Variants in SOX6 observed in about 807,000 individuals in gnomAD.
SOX6 encodes the protein transcription factor SOX-6.
In SOX6, 11 loss-of-function variants were observed where a neutral mutation model predicts 97.8. The ratio of observed to expected loss-of-function variants is 0.11; its 90% confidence interval spans 0.07 to 0.19. SOX6 has a LOEUF of 0.19. SOX6 is among the 10% of genes least tolerant of loss of function. SOX6 has a pLI of 1.00. For missense variants in SOX6, 810 were observed against 1,039.5 expected (o/e 0.78, Z 3.04); for synonymous variants, 360 against 371.4 (o/e 0.97, Z 0.35).
At chr11:16,389,409 T>A (rs1391486855) in intron 1 of SOX6, among the ~76,000 whole-genome samples, 1 of 152,198 alleles carries the variant, frequency 6.6e-6, no homozygotes, top group African/African-American at 2.4e-5. Flanking sequence ...ATTGTATAAT[T>A]CTATTGATCT....
Position 16,508,741 on chromosome 11 carries a change from A to G in SOX6, n.610-32353T>C, listed in dbSNP as rs75489822. Reference sequence around the variant, plus strand: ...GGTTAATGAGTACAAACCTATAGTTAGATAGAAGGGAAAAGTTCTATGTTC... The same window carrying G: ...GGTTAATGAGTACAAACCTATAGTTGGATAGAAGGGAAAAGTTCTATGTTC... On this transcript the variant is annotated intron_variant and non_coding_transcript_variant, in intron 4 of 5. Transcript: ENST00000524520. 8.7e-3 allele frequency among the ~76,000 whole-genome samples: 1,331 copies of G among 152,246 alleles called. 17 individuals are homozygous for G. The highest frequency in any genetic ancestry group is 0.031 in the African/African-American group (1,275 of 41,538).
At chr11:16,334,723 T>C (rs942238805) in intron 2 of SOX6, among the ~76,000 whole-genome samples, 11 of 152,126 alleles carry the variant, frequency 7.2e-5, no homozygotes, top group Non-Finnish European at 2.9e-5. Context: ...CCACCACGCC[T>C]AGCCTAATGT....
chr11:16,423,592 G>A (rs1490852445), intron 1 of SOX6, among the ~76,000 whole-genome samples: 2 of 152,112 alleles, frequency 1.3e-5, no homozygotes, highest in Non-Finnish European at 1.5e-5. Flanking sequence ...CTCAAGTCTG[G>A]TGACTAACTG....
intron 3 of SOX6, among the ~76,000 whole-genome samples, chr11:16,258,376 C>A (rs1253792945): frequency 1.3e-5 from 2 of 151,600 alleles, no homozygotes; most frequent in East Asian, 3.9e-4. Flanking sequence ...TTATTCTGCA[C>A]TGAAAATAAA....
At chr11:16,656,713 G>C (rs1201193754) in intron 3 of SOX6, among the ~76,000 whole-genome samples, 1 of 151,980 alleles carries the variant, frequency 6.6e-6, no homozygotes, top group Non-Finnish European at 1.5e-5. Flanking sequence ...CTATATATCT[G>C]TTTTCTGGCA....
chr11:16,484,497 T>C, intron 4 of SOX6: 1 of 808,372 alleles, frequency 1.2e-6, no homozygotes, highest in Non-Finnish European at 2.2e-6. Flanking sequence ...TTCTCCTGAA[T>C]GGCCACCTCC....
At chr11:16,304,597 G>A (rs1855365059) in intron 3 of SOX6, among the ~76,000 whole-genome samples, 1 of 152,144 alleles carries the variant, frequency 6.6e-6, no homozygotes, top group Non-Finnish European at 1.5e-5. Context: ...TCAGTTTATA[G>A]TATTTTGTTA....
At chr11:16,165,911 A>C (rs1850876703) in intron 6 of SOX6, among the ~76,000 whole-genome samples, 1 of 150,612 alleles carries the variant, frequency 6.6e-6, no homozygotes, top group Non-Finnish European at 1.5e-5. Context: ...AAAAAAAAAA[A>C]ATCCTAAAAG....
chr11:16,126,513 C>A (rs1849618101), intron 6 of SOX6, among the ~76,000 whole-genome samples: 1 of 152,058 alleles, frequency 6.6e-6, no homozygotes, highest in Admixed American at 6.6e-5. Flanking sequence ...CAGGAAATGC[C>A]TGTTTTAACT....
rs1284785090 is a variant in SOX6, at chr11:16,454,874, T to C, written c.-5+21441A>G. Among the ~76,000 whole-genome samples, 4 of 152,250 alleles carry C rather than the reference T, an allele frequency of 2.6e-5. No individual in the cohort carries two copies. In the South Asian group the frequency reaches 6.2e-4, roughly 24 times the overall value. On this transcript the variant is annotated intron_variant, in intron 1 of 15. Coordinates refer to the SOX6 transcript ENST00000396356. ...AAACATACTTCTAATTCCTTTCTAC[T>C]TATTTATAGACCTTATGCATGATTT...
intron 4 of SOX6, among the ~76,000 whole-genome samples, chr11:16,586,521 C>A (rs376423131): frequency 2.0e-5 from 3 of 152,060 alleles, no homozygotes; most frequent in African/African-American, 4.8e-5. Flanking sequence ...ATAGCCTGGG[C>A]AAGACAGTGA....
At chr11:16,008,082 T>C (rs1386163570) in intron 13 of SOX6, among the ~76,000 whole-genome samples, 1 of 152,094 alleles carries the variant, frequency 6.6e-6, no homozygotes, top group Non-Finnish European at 1.5e-5. Flanking sequence ...ACATAACCTA[T>C]GCATATCCTC....
intron 7 of SOX6, among the ~76,000 whole-genome samples, chr11:16,107,074 A>T (rs9667689): frequency 0.038 from 5,799 of 152,072 alleles, 353 homozygotes; most frequent in African/African-American, 0.13. Context: ...TAATAAAAAA[A>T]TTTAGTTGAA....
intron 4 of SOX6, among the ~76,000 whole-genome samples, chr11:16,560,564 T>C (rs189407407): frequency 2.3e-3 from 244 of 104,286 alleles, no homozygotes; most frequent in Admixed American, 9.3e-3. Flanking sequence ...TATACGTACA[T>C]ATATGTTTAT....
At chr11:16,374,431 A>G (rs1445882036) in intron 1 of SOX6, among the ~76,000 whole-genome samples, 3 of 152,100 alleles carry the variant, frequency 2.0e-5, no homozygotes, top group Admixed American at 6.6e-5. Context: ...TTATTCAGAT[A>G]AAATGATGGC....
intron 2 of SOX6, among the ~76,000 whole-genome samples, chr11:16,734,153 T>G (rs1487087928): frequency 1.3e-5 from 2 of 152,150 alleles, no homozygotes; most frequent in African/African-American, 4.8e-5. Context: ...TGTAAAATAA[T>G]CAAGTTAATA....
chr11:16,574,187 CTTGAAAAATAAGAATA>C (rs2133200828), intron 4 of SOX6, among the ~76,000 whole-genome samples: 1 of 152,116 alleles, frequency 6.6e-6, no homozygotes, highest in East Asian at 1.9e-4. Context: ...TATCAAGACA[CTTGAAAAATAAGAATA>C]AGGTGGCAGG....
chr11:16,373,358 C>A (rs1857544287), intron 1 of SOX6, among the ~76,000 whole-genome samples: 1 of 152,098 alleles, frequency 6.6e-6, no homozygotes, highest in South Asian at 2.1e-4. Context: ...GGTCCTTCTT[C>A]AGTTTCTGTC....
chr11:15,988,930 C>T, intron 14 of SOX6, 67 bp downstream of exon 14: 1 of 1,482,898 alleles, frequency 6.7e-7, no homozygotes, highest in Non-Finnish European at 9.4e-7. Flanking sequence ...CCCTTGCTTC[C>T]CACCCTGGTG....
Sources: gnomAD v4.1 joint callset for allele counts (sites outside exome capture counted in the v4.1 genomes callset) on GRCh38, gnomAD v4.1.1 for gene constraint, MANE v1.5 for transcripts, NCBI Gene and HGNC (gene_info 2026-07-23, HGNC 2026-07-21) for gene names.